The following CNKSR3 variants were observed in gnomAD, a reference collection of about 807,000 sequenced individuals.
CNKSR3 encodes connector enhancer of kinase suppressor of ras 3.
A neutral mutation model predicts 67.7 loss-of-function variants in CNKSR3; 36 were observed. The ratio of observed to expected loss-of-function variants is 0.53; its 90% CI spans 0.41 to 0.70. The LOEUF (loss-of-function observed/expected upper bound fraction) is 0.70, where lower values mean the gene tolerates loss of function less well. CNKSR3 is among the 30% of genes least tolerant of loss of function. The pLI is 0.00. For missense variants in CNKSR3, 630 were observed against 695.2 expected (o/e 0.91, Z 1.05); for synonymous variants, 281 against 271.4 (o/e 1.04, Z -0.35).
At chr6:154,424,994 A>G (rs1013042342) in intron 7 of CNKSR3, among the ~76,000 whole-genome samples, 10 of 151,344 alleles carry the variant, frequency 6.6e-5, no homozygotes, top group African/African-American at 2.4e-4. Context: ...CTGATCTTGA[A>G]CTCTTTACCT....
intron 1 of CNKSR3, among the ~76,000 whole-genome samples, chr6:154,472,832 C>A (rs992143907): frequency 6.1e-5 from 9 of 147,718 alleles, no homozygotes; most frequent in South Asian, 2.2e-4. Flanking sequence ...ACAACAACAA[C>A]AAAAAAACGT....
chr6:154,422,521 C>T lies in CNKSR3; in HGVS notation c.930G>A (p.Lys310=), dbSNP rs1785165988. The T allele has an allele frequency of 6.2e-7, 1 of 1,614,134 alleles. No individual in the cohort carries two copies. Among genetic ancestry groups the T allele is most frequent in the Non-Finnish European group, 8.5e-7 (1 of 1,180,010 alleles). The change falls in exon 9 of 13, where the codon AAG becomes AAA. Residue 310 remains lysine, a synonymous_variant. Transcript: ENST00000607772. The part of the protein sequence containing the change: ...TPAPLKNLRW[K]PPLVQTSPPP... ...TCCCAGATACCTGTACAAGAGGTGGCTTCCACCGTAGGTTTTTCAGGGGAG... is the reference window on the plus strand; with the variant it reads ...TCCCAGATACCTGTACAAGAGGTGGTTTCCACCGTAGGTTTTTCAGGGGAG...
At chr6:154,422,393 C>T (rs1785164125) in intron 9 of CNKSR3, 113 bp downstream of exon 9, 1 of 1,008,654 alleles carries the variant, frequency 9.9e-7, no homozygotes, top group Admixed American at 2.1e-5. Flanking sequence ...AGGATAATTA[C>T]ATACAAACTC....
rs1016539394 is a variant in CNKSR3, at chr6:154,388,850, A to G, written c.*17504T>C. On this transcript the variant is annotated 3_prime_UTR_variant, in exon 13 of 13. Transcript: ENST00000607772. ...GCCCATGAGAGGTTAATATCCCTAT[A>G]CTCTCGCAATGTGTCAACTAGCTTC... The G allele has an allele frequency of 6.6e-6, 1 of 150,946 alleles. No homozygotes were observed. Among genetic ancestry groups the G allele is most frequent in the Non-Finnish European group, 1.5e-5 (1 of 67,792 alleles). 9.4% of individuals were successfully genotyped at this position (150,946 alleles called of 1,614,324 possible).
chr6:154,445,666 C>T lies in CNKSR3; in HGVS notation c.217-3376G>A, dbSNP rs888671567. On this transcript the variant is annotated intron_variant, in intron 2 of 12. Coordinates refer to ENST00000607772, the MANE Select transcript of CNKSR3 (RefSeq NM_173515.4). ...TTTATTGTTGCAAGAAACTTTAAACCTCAATCTTCTAAAAACATACCACTT... is the reference window on the plus strand; with the variant it reads ...TTTATTGTTGCAAGAAACTTTAAACTTCAATCTTCTAAAAACATACCACTT... 2.6e-5 allele frequency among the ~76,000 whole-genome samples: 4 copies of T among 152,096 alleles called. No homozygotes were observed. In the East Asian group the frequency reaches 7.7e-4, roughly 29 times the overall value.
intron 1 of CNKSR3, among the ~76,000 whole-genome samples, chr6:154,463,212 G>A (rs1321264357): frequency 1.3e-5 from 2 of 151,262 alleles, no homozygotes; most frequent in Non-Finnish European, 2.9e-5. Flanking sequence ...TGGGACTACA[G>A]GCGCCCACCA....
chr6:154,414,219 C>G, intron 10 of CNKSR3, 80 bp downstream of exon 10: 1 of 1,452,936 alleles, frequency 6.9e-7, no homozygotes, highest in South Asian at 1.4e-5. Context: ...CTTCCTCTCT[C>G]AAGATCCTCT....
chr6:154,449,296 T>C (rs1785773396), intron 2 of CNKSR3, among the ~76,000 whole-genome samples: 1 of 152,214 alleles, frequency 6.6e-6, no homozygotes. Context: ...AATCAGAACC[T>C]ATTTCTCACT....
At chr6:154,453,322 G>C (rs1488190889) in intron 1 of CNKSR3, among the ~76,000 whole-genome samples, 2 of 152,188 alleles carry the variant, frequency 1.3e-5, no homozygotes, top group African/African-American at 2.4e-5. Context: ...GAAATGTTTG[G>C]AGCACTGAAA....
rs756767075 is a variant in CNKSR3 at position 154,397,591 on chromosome 6, A to G, written c.*8763T>C. 6.6e-6 allele frequency: 1 copy of G among 152,242 alleles called. No homozygotes were observed. Among genetic ancestry groups the G allele is most frequent in the Non-Finnish European group, 1.5e-5 (1 of 68,050 alleles). 9.4% of individuals were successfully genotyped at this position (152,242 alleles called of 1,614,324 possible). On this transcript the variant is annotated 3_prime_UTR_variant, in exon 13 of 13. Transcript: ENST00000607772. Reference sequence around the variant, plus strand: ...CAGGCCCTGGAAATAGATGGGTAAGAGCAAATCTGTGGTCATCAACTAGGT... The same window carrying G: ...CAGGCCCTGGAAATAGATGGGTAAGGGCAAATCTGTGGTCATCAACTAGGT...
rs144592716 is a variant in CNKSR3 at position 154,431,333 on chromosome 6, A to G, written c.550-742T>C. ...GTGGCGTGTGCCTGTAACCCCAGCT[A>G]CTCGGGAGGCTGAGGCTGCAGAATT... On this transcript the variant is annotated intron_variant, in intron 5 of 12. Coordinates refer to ENST00000607772, the MANE Select transcript of CNKSR3 (RefSeq NM_173515.4). Among the ~76,000 whole-genome samples, 126 of 151,034 alleles carry G rather than the reference A, an allele frequency of 8.3e-4. 2 individuals are homozygous for G. The East Asian group carries it at 0.017, about 21-fold the overall frequency.
At chr6:154,480,876 T>C (rs1438615185) in intron 1 of CNKSR3, among the ~76,000 whole-genome samples, 1 of 152,250 alleles carries the variant, frequency 6.6e-6, no homozygotes. Context: ...AGCAGTCTTA[T>C]GCTTATTTAT....
chr6:154,408,833 C>T (rs1322743995), intron 12 of CNKSR3, among the ~76,000 whole-genome samples: 2 of 152,068 alleles, frequency 1.3e-5, no homozygotes, highest in African/African-American at 4.8e-5. Flanking sequence ...AGATAGATAC[C>T]TTTATTCCAA....
At chr6:154,469,119 G>A (rs1786269685) in intron 1 of CNKSR3, among the ~76,000 whole-genome samples, 1 of 152,168 alleles carries the variant, frequency 6.6e-6, no homozygotes, top group Admixed American at 6.5e-5. Context: ...GACATCTTGA[G>A]TCAATATTTA....
In CNKSR3 at chr6:154,411,078, T is replaced by G. The variant is rs1325243672; in HGVS notation, c.1135A>C (p.Lys379Gln). The G allele has an allele frequency of 3.1e-6, 5 of 1,614,094 alleles. No individual in the cohort carries two copies. The highest frequency in any genetic ancestry group is 4.2e-6 in the Non-Finnish European group (5 of 1,179,990). The change falls in exon 11 of 13, where the codon AAG becomes CAG. Residue 379 changes from lysine (K) to glutamine (Q), a missense_variant. Physicochemically the swap from Lys to Gln is moderately conservative, Grantham distance 53. This residue lies in a region of CNKSR3 where 308 missense variants were observed against 299.6 expected (regional missense o/e 1.03). Coordinates refer to ENST00000607772, the MANE Select transcript of CNKSR3 (RefSeq NM_173515.4). Reference sequence around the variant, plus strand: ...AAGGAATTCGGGGACTCTGAACCCTTAGGACCAGGCAATGGTTGTTTGCAC... The same window carrying G: ...AAGGAATTCGGGGACTCTGAACCCTGAGGACCAGGCAATGGTTGTTTGCAC... The part of the protein sequence containing the change: ...SKCKQPLPGP[K>Q]GSESPNSFLD...
rs74317580 is a variant in CNKSR3 at position 154,463,531 on chromosome 6, T to C, written c.53-13273A>G. Reference sequence around the variant, plus strand: ...ATCCTTCGAGTTCTTCAACACAAAATTCCCACAAGTTTGCTATGCTCGCGG... The same window carrying C: ...ATCCTTCGAGTTCTTCAACACAAAACTCCCACAAGTTTGCTATGCTCGCGG... On this transcript the variant is annotated intron_variant, in intron 1 of 12. Coordinates refer to ENST00000607772, the MANE Select transcript of CNKSR3 (RefSeq NM_173515.4). Among the ~76,000 whole-genome samples the C allele has an allele frequency of 8.6e-3, 1,307 of 152,196 alleles. 28 individuals are homozygous for C. Among genetic ancestry groups the C allele is most frequent in the African/African-American group, 0.03 (1,240 of 41,516 alleles).
rs541089259 is a variant in CNKSR3 at position 154,502,358 on chromosome 6, A to ATTT, written c.52+7702_52+7704dup. The stretch of plus-strand genomic sequence containing the variant: ...AGGTGCCCACCACCATGCCCAGCTA[A>ATTT]TTTTTTTTTTTTTTTTTTAGTAGAG... On this transcript the variant is annotated intron_variant, in intron 1 of 12. Transcript: ENST00000607772. Among the ~76,000 whole-genome samples the ATTT allele has an allele frequency of 2.8e-5, 4 of 141,296 alleles. 2 individuals are homozygous for ATTT. Among genetic ancestry groups the ATTT allele is most frequent in the Non-Finnish European group, 6.2e-5 (4 of 64,474 alleles). The allele number at this position is 141,296 out of a possible 152,430, so 92.7% of individuals were successfully genotyped here. A position where few individuals can be genotyped will look rare whatever the true frequency, so the allele number is the denominator to read the frequency against.
chr6:154,465,692 C>A (rs1582882841), intron 1 of CNKSR3, among the ~76,000 whole-genome samples: 1 of 152,204 alleles, frequency 6.6e-6, no homozygotes, highest in Non-Finnish European at 1.5e-5. Flanking sequence ...TTATACACAT[C>A]ATTTAAGCTA....
rs1785338339 is a variant in CNKSR3, at chr6:154,430,329, C to A, written c.669+143G>T. Reference sequence around the variant, plus strand: ...CATATCAACAGGATTCAAGATAGCACATTCCTAATTACATAATGGAAGGCA... The same window carrying A: ...CATATCAACAGGATTCAAGATAGCAAATTCCTAATTACATAATGGAAGGCA... On this transcript the variant is annotated intron_variant, in intron 6 of 12. Transcript: ENST00000607772. 9.5e-6 allele frequency: 6 copies of A among 633,264 alleles called. No homozygotes were observed. The South Asian group carries it at 1.4e-4, about 15-fold the overall frequency. 39.2% of individuals were successfully genotyped at this position (633,264 alleles called of 1,614,324 possible). A position where few individuals can be genotyped will look rare whatever the true frequency, so the allele number is the denominator to read the frequency against.
Sources: allele counts gnomAD v4.1 joint callset (sites outside exome capture counted in the v4.1 genomes callset), GRCh38; gene constraint gnomAD v4.1.1; regional missense constraint gnomAD v4.1.1; transcripts MANE v1.5; gene names NCBI Gene and HGNC (gene_info 2026-07-23, HGNC 2026-07-21).